The following AEN variants were observed in gnomAD, a reference collection of about 807,000 sequenced individuals.
AEN encodes apoptosis-enhancing nuclease.
A neutral mutation model predicts 17.7 loss-of-function variants in AEN; 21 were observed. The observed-to-expected ratio is 1.19, with a 90% CI of 0.84 to 1.71. AEN has a LOEUF of 1.71. AEN is among the 40% of genes most tolerant of loss of function. The probability of loss-of-function intolerance (pLI) is 0.00; values close to 1 mark genes in which losing one functional copy is unlikely to be tolerated. For synonymous variants in AEN, 190 were observed against 173.0 expected (o/e 1.10, Z -0.77); for missense variants, 462 against 435.9 (o/e 1.06, Z -0.53).
chr15:88,630,335 G>C lies in AEN; in HGVS notation c.*41G>C, dbSNP rs370022294. 5 of 1,531,604 alleles carry C rather than the reference G, an allele frequency of 3.3e-6. No individual in the cohort carries two copies. The highest frequency in any genetic ancestry group is 4.4e-6 in the Non-Finnish European group (5 of 1,129,954). The allele number at this position is 1,531,604 out of a possible 1,614,324, so 94.9% of individuals were successfully genotyped here. A position where few individuals can be genotyped will look rare whatever the true frequency, so the allele number is the denominator to read the frequency against. On this transcript the variant is annotated 3_prime_UTR_variant, in exon 4 of 4. Coordinates refer to ENST00000332810, the MANE Select transcript of AEN (RefSeq NM_022767.4). The surrounding 1 kb of genome is among the most constrained non-coding windows in gnomAD (Gnocchi z 5.1). ...CCCTGGCTGGGCTTCCGGTGTGGCC[G>C]GTAGGAAGTGGGGGCCAGGAGAGCA...
intron 2 of AEN, 169 bp downstream of exon 2, chr15:88,626,918 A>C: frequency 8.1e-6 from 6 of 740,762 alleles, no homozygotes; most frequent in Non-Finnish European, 8.6e-6. Flanking sequence ...TAAAAATAAA[A>C]TCCTGACCTT....
At chr15:88,622,194 G>A (rs907307151) in intron 1 of AEN, among the ~76,000 whole-genome samples, 1 of 151,610 alleles carries the variant, frequency 6.6e-6, no homozygotes, top group African/African-American at 2.4e-5. Context: ...CTTTCTTTAG[G>A]CCAGACCCCC....
At chr15:88,629,130 A>G in intron 2 of AEN, 96 bp from the exon 3 acceptor site, 1 of 1,209,756 alleles carries the variant, frequency 8.3e-7, no homozygotes, top group South Asian at 1.3e-5. Flanking sequence ...CCCCACAGGG[A>G]TCCATGCATC....
At chr15:88,626,097 G>A in intron 1 of AEN, 49 bp from the exon 2 acceptor site, 2 of 1,276,444 alleles carry the variant, frequency 1.6e-6, no homozygotes, top group South Asian at 3.2e-5. Flanking sequence ...TGGGTGGGCT[G>A]CCTGGCACAC....
intron 1 of AEN, among the ~76,000 whole-genome samples, chr15:88,624,589 A>G (rs1331947879): frequency 1.3e-5 from 2 of 152,176 alleles, no homozygotes; most frequent in African/African-American, 4.8e-5. Context: ...GTCATTTACA[A>G]AGAGCTGAGT....
chr15:88,630,096 G>A lies in AEN; in HGVS notation c.780G>A (p.Thr260=), dbSNP rs755609951. Residue 260 remains threonine (T), a synonymous_variant, in exon 4 of 4, where the codon ACG becomes ACA. Transcript: ENST00000332810. This position sits in a 1 kb window ranked among gnomAD's most constrained non-coding sequence, Gnocchi z 5.1. ...QHGHSSVEDA[T]TAMELYRLVE... is the part of the protein sequence containing the mutation. Reference sequence around the variant, plus strand: ...GGCACTCATCAGTAGAAGATGCCACGACAGCCATGGAGCTCTACCGGCTGG... The same window carrying A: ...GGCACTCATCAGTAGAAGATGCCACAACAGCCATGGAGCTCTACCGGCTGG... 38 of 1,614,066 alleles carry A rather than the reference G, an allele frequency of 2.4e-5. No individual in the cohort carries two copies. The highest frequency in any genetic ancestry group is 2.0e-4 in the South Asian group (18 of 91,058).
chr15:88,621,496 GA>G (rs1406756000), intron 1 of AEN, 114 bp downstream of exon 1: 15 of 152,284 alleles, frequency 9.9e-5, no homozygotes, highest in Admixed American at 9.8e-4. Context: ...GGGGACGCCT[GA>G]ACTGGGCTGA....
upstream of AEN, among the ~76,000 whole-genome samples, chr15:88,617,834 A>G (rs564376122): frequency 1.4e-4 from 7 of 49,292 alleles, no homozygotes; most frequent in African/African-American, 2.5e-4. Flanking sequence ...CCCATTGATC[A>G]GCTGGAAAAA....
At chr15:88,612,720 C>A in the AEN span, among the ~76,000 whole-genome samples, 1 of 152,014 alleles carries the variant, frequency 6.6e-6, no homozygotes, top group Non-Finnish European at 1.5e-5. Context: ...TGTGCCTCAG[C>A]CTCCCGACTA....
chr15:88,614,169 C>A, the AEN span, among the ~76,000 whole-genome samples: 1 of 152,094 alleles, frequency 6.6e-6, no homozygotes, highest in Non-Finnish European at 1.5e-5. Context: ...CTTGGTCACT[C>A]AGCAAAATAG....
chr15:88,629,260 G>T lies in AEN; in HGVS notation c.575G>T (p.Gly192Val). ...LKLLKGKVVV[G>V]HALHNDFQAL... ...CTCCTGAAGGGCAAGGTGGTGGTGG[G>T]GCACGCGCTGCACAACGACTTCCAG... Residue 192 changes from glycine (G) to valine (V), a missense_variant, in exon 3 of 4, where the codon GGG becomes GTG. Physicochemically the swap from Gly to Val is moderately radical, Grantham distance 109. Transcript: ENST00000332810. The T allele has an allele frequency of 2.5e-6, 4 of 1,614,094 alleles. No homozygotes were observed. The highest frequency in any genetic ancestry group is 3.4e-6 in the Non-Finnish European group (4 of 1,180,000).
At chr15:88,614,988 C>A in the AEN span, among the ~76,000 whole-genome samples, 1 of 152,068 alleles carries the variant, frequency 6.6e-6, no homozygotes, top group African/African-American at 2.4e-5. Flanking sequence ...CTCAGCCTCC[C>A]GAACAGCTGG....
chr15:88,623,675 G>C (rs2057815535), intron 1 of AEN, among the ~76,000 whole-genome samples: 1 of 152,238 alleles, frequency 6.6e-6, no homozygotes, highest in Non-Finnish European at 1.5e-5. Flanking sequence ...GCTAGACTTA[G>C]TGTCCTGAGT....
the AEN span, among the ~76,000 whole-genome samples, chr15:88,612,411 G>A: frequency 6.6e-6 from 1 of 152,120 alleles, no homozygotes; most frequent in Non-Finnish European, 1.5e-5. Flanking sequence ...AGCTGAGGGA[G>A]TGGACTTGTG....
chr15:88,618,269 T>C (rs2057755089), upstream of AEN, among the ~76,000 whole-genome samples: 1 of 152,242 alleles, frequency 6.6e-6, no homozygotes, highest in South Asian at 2.1e-4. Flanking sequence ...CAGCTTCTGC[T>C]ACGGAGTTTT....
upstream of AEN, among the ~76,000 whole-genome samples, chr15:88,619,623 T>A (rs1168607733): frequency 6.6e-6 from 1 of 152,028 alleles, no homozygotes; most frequent in Non-Finnish European, 1.5e-5. Context: ...GGGAGGCACA[T>A]GTTGCAGTGA....
At chr15:88,622,768 T>G (rs765711810) in intron 1 of AEN, among the ~76,000 whole-genome samples, 1 of 152,188 alleles carries the variant, frequency 6.6e-6, no homozygotes, top group Non-Finnish European at 1.5e-5. Flanking sequence ...GGTCTGGTTT[T>G]GGGTCTGGTG....
Position 88,621,378 on chromosome 15 carries a change from T to G in AEN, c.-69T>G, listed in dbSNP as rs937763377. 6.6e-6 allele frequency: 1 copy of G among 152,350 alleles called. No homozygotes were observed. The highest frequency in any genetic ancestry group is 1.9e-4 in the East Asian group (1 of 5,176). The allele number at this position is 152,350 out of a possible 1,614,324, so 9.4% of individuals were successfully genotyped here. A position where few individuals can be genotyped will look rare whatever the true frequency, so the allele number is the denominator to read the frequency against. On this transcript the variant is annotated 5_prime_UTR_variant, in exon 1 of 4. Coordinates refer to ENST00000332810, the MANE Select transcript of AEN (RefSeq NM_022767.4). ...GCAGACCGGAAGAGACACGCGGGGC[T>G]TCAGGTGAGATCCAGGACCCTGCAC...
At chr15:88,608,460 C>A in the AEN span, among the ~76,000 whole-genome samples, 3 of 152,260 alleles carry the variant, frequency 2.0e-5, no homozygotes, top group South Asian at 6.2e-4. Flanking sequence ...GTTATTGTTA[C>A]CAGCACACTG....
Sources: allele counts gnomAD v4.1 joint callset (sites outside exome capture counted in the v4.1 genomes callset), GRCh38; gene constraint gnomAD v4.1.1; non-coding constraint Gnocchi (gnomAD v3.1); transcripts MANE v1.5; gene names NCBI Gene and HGNC (gene_info 2026-07-23, HGNC 2026-07-21).